DNAH14: variants seen among roughly 807,000 people sequenced by gnomAD.
DNAH14 encodes axonemal beta dynein heavy chain 14.
Under a neutral mutation model 520.9 loss-of-function variants are expected in DNAH14, and 478 were observed. That is an observed-to-expected ratio of 0.92 (90% confidence interval 0.85 to 0.99). The LOEUF is 0.99. Ranked by LOEUF, DNAH14 falls within the 50% of genes least tolerant of loss-of-function variation. The probability of loss-of-function intolerance (pLI) is 0.00; values close to 1 mark genes in which losing one functional copy is unlikely to be tolerated. For missense variants in DNAH14, 4,831 were observed against 5,234.5 expected, an observed-to-expected ratio of 0.92 and a Z score of 2.38; for synonymous variants, 1,581 against 1,757.2, an observed-to-expected ratio of 0.90 and a Z score of 2.51.
At chr1:224,939,875 G>C (rs931572974) in intron 1 of DNAH14, among the ~76,000 whole-genome samples, 8 of 152,142 alleles carry the variant, frequency 5.3e-5, no homozygotes, top group Non-Finnish European at 1.5e-5. Context: ...GTCCTGGTGG[G>C]AGGTGACTGA....
intron 36 of DNAH14, among the ~76,000 whole-genome samples, chr1:225,170,976 T>C (rs144491927): frequency 0.029 from 4,463 of 152,194 alleles, 159 homozygotes; most frequent in African/African-American, 0.081. Context: ...CACTCAAAAC[T>C]GCTCAACTAC....
At chr1:225,370,849 G>A (rs1160027110) in intron 77 of DNAH14, among the ~76,000 whole-genome samples, 1 of 151,886 alleles carries the variant, frequency 6.6e-6, no homozygotes, top group Non-Finnish European at 1.5e-5. Flanking sequence ...ATTTTTTAAA[G>A]CTTACAGCTA....
rs989559079 is a variant in DNAH14 at position 225,234,185 on chromosome 1, C to A, written c.6518+3034C>A. On this transcript the variant is annotated intron_variant, in intron 42 of 85. Coordinates refer to ENST00000682510, the MANE Select transcript of DNAH14 (RefSeq NM_001367479.1). Reference sequence around the variant, plus strand: ...TGCCAGTACCTTGTTGTTTTGGTTACTGTAGCCTTGTAGTATAGTTTGAAG... The same window carrying A: ...TGCCAGTACCTTGTTGTTTTGGTTAATGTAGCCTTGTAGTATAGTTTGAAG... 8.5e-5 allele frequency among the ~76,000 whole-genome samples: 13 copies of A among 152,258 alleles called. No homozygotes were observed. In the East Asian group the frequency reaches 2.5e-3, roughly 29 times the overall value.
chr1:224,950,057 T>C (rs1356098849), intron 1 of DNAH14, among the ~76,000 whole-genome samples: 33 of 152,050 alleles, frequency 2.2e-4, no homozygotes, highest in Admixed American at 2.2e-3. Context: ...GCTACCTACA[T>C]TCCATCTACC....
intron 77 of DNAH14, among the ~76,000 whole-genome samples, chr1:225,369,524 A>G (rs1261524833): frequency 6.6e-6 from 1 of 152,022 alleles, no homozygotes; most frequent in Non-Finnish European, 1.5e-5. Context: ...ACACTGGTAT[A>G]CATGTACATA....
intron 44 of DNAH14, among the ~76,000 whole-genome samples, chr1:225,256,508 T>C (rs1327927557): frequency 6.6e-6 from 1 of 152,018 alleles, no homozygotes; most frequent in African/African-American, 2.4e-5. Context: ...AAACTAAGTT[T>C]AACGAGAAAT....
intron 30 of DNAH14, 116 bp downstream of exon 30, chr1:225,145,495 A>T (rs1004990227): frequency 5.0e-6 from 4 of 798,242 alleles, no homozygotes; most frequent in Non-Finnish European, 7.3e-6. Flanking sequence ...TCAAGTATTA[A>T]CAGAACTTTA....
At chr1:224,946,156 T>C (rs1405396549) in intron 1 of DNAH14, among the ~76,000 whole-genome samples, 10 of 152,218 alleles carry the variant, frequency 6.6e-5, no homozygotes, top group Admixed American at 5.9e-4. Context: ...GGGAGCTTCC[T>C]GGCTGCTTTG....
rs548085041 is a variant in DNAH14, at chr1:224,976,148, A to G, written c.830+1995A>G. Among the ~76,000 whole-genome samples, 116 of 152,090 alleles carry G rather than the reference A, an allele frequency of 7.6e-4. 1 individual carries two copies. Among genetic ancestry groups the G allele is most frequent in the African/African-American group, 2.7e-3 (111 of 41,508 alleles). On this transcript the variant is annotated intron_variant, in intron 8 of 85. Coordinates refer to ENST00000682510, the MANE Select transcript of DNAH14 (RefSeq NM_001367479.1). ...GCTGAGGAGAGCTTTACTTCCAACT[A>G]TGTGGTCAATTTTGGAATAGGTGTG...
At chr1:225,171,218 G>T (rs1043727862) in intron 36 of DNAH14, among the ~76,000 whole-genome samples, 1 of 152,210 alleles carries the variant, frequency 6.6e-6, no homozygotes, top group South Asian at 2.1e-4. Flanking sequence ...AACTAGAGAA[G>T]CAAGAGCAAT....
At chr1:224,933,264 G>T (rs1348393688) in intron 1 of DNAH14, among the ~76,000 whole-genome samples, 2 of 151,876 alleles carry the variant, frequency 1.3e-5, no homozygotes, top group Non-Finnish European at 2.9e-5. Flanking sequence ...ACTGATTTTT[G>T]TACATTGATT....
Position 225,303,300 on chromosome 1 carries a change from G to A in DNAH14, c.8776G>A (p.Val2926Ile), listed in dbSNP as rs999174667. Reference sequence around the variant, plus strand: ...GTGGCCAGAAGAAGCTCTCCTTATTGTAGCTAACTCATTCTTAAAAGAAAA... The same window carrying A: ...GTGGCCAGAAGAAGCTCTCCTTATTATAGCTAACTCATTCTTAAAAGAAAA... ...ERWPEEALLI[V>I]ANSFLKEKVN... The change falls in exon 57 of 86, where the codon GTA (valine) becomes ATA (isoleucine). Residue 2926 changes from valine to isoleucine, a missense_variant. Val to Ile is a conservative substitution (Grantham distance 29). Transcript: ENST00000682510. 4 of 1,550,788 alleles carry A rather than the reference G, an allele frequency of 2.6e-6. No homozygotes were observed. Among genetic ancestry groups the A allele is most frequent in the Admixed American group, 3.9e-5 (2 of 50,790 alleles).
At position 225,080,595 on chromosome 1, in the gene DNAH14, G is replaced by C. The variant is rs1418604631; in HGVS notation, c.2983G>C (p.Asp995His). ...TTCAGAGATCTCTGACATTGAAGGT[G>C]ACTTGACTTTGAGGAAAAAACTATG... ...VLSEISDIEGDLTLRKKLWEA... is the reference protein window; with the variant it reads ...VLSEISDIEGHLTLRKKLWEA... The change falls in exon 19 of 86, where the codon GAC becomes CAC. Residue 995 changes from aspartate to histidine, a missense_variant. By Grantham distance (81) the Asp-to-His change is moderately conservative. Transcript: ENST00000682510. 1.3e-6 allele frequency: 2 copies of C among 1,552,126 alleles called. No individual in the cohort carries two copies. The highest frequency in any genetic ancestry group is 2.4e-5 in the South Asian group (2 of 84,044).
At chr1:224,943,526 C>T (rs2059575615) in intron 1 of DNAH14, among the ~76,000 whole-genome samples, 1 of 152,008 alleles carries the variant, frequency 6.6e-6, no homozygotes, top group African/African-American at 2.4e-5. Context: ...TTATTTCTTG[C>T]CTTCTGCTAG....
intron 35 of DNAH14, among the ~76,000 whole-genome samples, chr1:225,159,928 G>A (rs2081370654): frequency 6.6e-6 from 1 of 152,060 alleles, no homozygotes; most frequent in South Asian, 2.1e-4. Context: ...CACAGTCATT[G>A]CCTTAATCTA....
chr1:225,175,203 A>G (rs2083178996), intron 36 of DNAH14, among the ~76,000 whole-genome samples: 2 of 152,184 alleles, frequency 1.3e-5, no homozygotes, highest in South Asian at 4.1e-4. Flanking sequence ...CACATTGGGA[A>G]TCATTTTCTT....
At chr1:225,100,044 A>G (rs983214877) in intron 22 of DNAH14, among the ~76,000 whole-genome samples, 2 of 152,150 alleles carry the variant, frequency 1.3e-5, no homozygotes, top group East Asian at 3.8e-4. Flanking sequence ...CTCTCATTCA[A>G]TTCCAACAAC....
chr1:225,248,892 A>T (rs1574285357), intron 43 of DNAH14, among the ~76,000 whole-genome samples: 2 of 152,352 alleles, frequency 1.3e-5, no homozygotes, highest in East Asian at 3.9e-4. Context: ...TCCCTCTATT[A>T]GAGTGGGGGC....
At chr1:225,209,920 C>G (rs1373619835) in intron 41 of DNAH14, among the ~76,000 whole-genome samples, 1 of 152,066 alleles carries the variant, frequency 6.6e-6, no homozygotes, top group African/African-American at 2.4e-5. Flanking sequence ...CTCCCCTAGC[C>G]AAGAGAAGTT....
Sources: gnomAD v4.1 joint callset for allele counts (sites outside exome capture counted in the v4.1 genomes callset) on GRCh38, gnomAD v4.1.1 for gene constraint, MANE v1.5 for transcripts, NCBI Gene and HGNC (gene_info 2026-07-23, HGNC 2026-07-21) for gene names.